The following NISCH variants were observed in gnomAD, a reference collection of about 807,000 sequenced individuals.
The protein encoded by NISCH is nischarin.
In NISCH, 55 loss-of-function variants were observed where a neutral mutation model predicts 138.4. The ratio of observed to expected loss-of-function variants is 0.40; its 90% CI spans 0.32 to 0.50. The LOEUF (loss-of-function observed/expected upper bound fraction) is 0.50. NISCH is among the 20% of genes least tolerant of loss of function. The pLI is 0.71. For synonymous variants in NISCH, 860 were observed against 861.5 expected, an observed-to-expected ratio of 1.00 and a Z score of 0.03; for missense variants, 1,643 against 2,005.5, an observed-to-expected ratio of 0.82 and a Z score of 3.45.
intron 4 of NISCH, 166 bp from the exon 5 acceptor site, chr3:52,471,638 CCTGTGCCTAG>C: frequency 3.0e-6 from 2 of 661,224 alleles, no homozygotes; most frequent in South Asian, 3.7e-5. Context: ...CTAGGGTTGC[CCTGTGCCTAG>C]CAGGCACCCA....
chr3:52,464,517 C>CTTTTTTT lies in NISCH; in HGVS notation c.360+5692_360+5698dup, dbSNP rs71084185. Among the ~76,000 whole-genome samples the CTTTTTTT allele has an allele frequency of 1.4e-3, 106 of 75,812 alleles. 7 individuals are homozygous for CTTTTTTT. Among genetic ancestry groups the CTTTTTTT allele is most frequent in the South Asian group, 2.2e-3 (4 of 1,808 alleles). The allele number at this position is 75,812 out of a possible 152,430, so 49.7% of individuals were successfully genotyped here. ...TACTTTTTCACATTCTGTGAGTTGT[C>CTTTTTTT]TTTTTTTTTTTTTTTTTTTTTTTTT... On this transcript the variant is annotated intron_variant, in intron 3 of 20. Coordinates refer to ENST00000345716, the MANE Select transcript of NISCH (RefSeq NM_007184.4).
chr3:52,465,374 C>T (rs529280093), intron 3 of NISCH, among the ~76,000 whole-genome samples: 7 of 152,206 alleles, frequency 4.6e-5, no homozygotes, highest in Non-Finnish European at 8.8e-5. Flanking sequence ...AAGTGATCCA[C>T]CCACCTCGGC....
At position 52,484,576 on chromosome 3, in the gene NISCH, C is replaced by G. The variant is rs1444149053; in HGVS notation, c.1592C>G (p.Pro531Arg). Residue 531 changes from proline (P) to arginine (R), a missense_variant, in exon 14 of 21, where the codon CCC becomes CGC. Pro to Arg is a moderately radical substitution (Grantham distance 103). Transcript: ENST00000345716. ...SSLSSTDSLT[P>R]EHQPIAQGCS... ...CTCTCGTCCACTGACAGTCTGACTC[C>G]CGAGCACCAGCCCATTGCCCAGGGA... The G allele has an allele frequency of 6.2e-7, 1 of 1,613,342 alleles. No homozygotes were observed. The highest frequency in any genetic ancestry group is 2.2e-5 in the East Asian group (1 of 44,862).
chr3:52,489,641 G>T lies in NISCH; in HGVS notation c.3419G>T (p.Ser1140Ile). 1 of 1,612,900 alleles carries T rather than the reference G, an allele frequency of 6.2e-7. No individual in the cohort carries two copies. Among genetic ancestry groups the T allele is most frequent in the Non-Finnish European group, 8.5e-7 (1 of 1,179,928 alleles). ...CGGCACGTCGCCAGCCTGCGGGGCAGCGCCATCATCGAGCTCTTCCACAGC... is the reference window on the plus strand; with the variant it reads ...CGGCACGTCGCCAGCCTGCGGGGCATCGCCATCATCGAGCTCTTCCACAGC... ...SLRHVASLRGSAIIELFHSSI... is the reference protein window; with the variant it reads ...SLRHVASLRGIAIIELFHSSI... Residue 1140 changes from serine to isoleucine, a missense_variant, in exon 17 of 21, where the codon AGC becomes ATC. Transcript: ENST00000345716.
rs749179103 is a variant in NISCH, at chr3:52,478,262, C to T, written c.1153C>T (p.Arg385Trp). The change falls in exon 10 of 21, where the codon CGG (arginine) becomes TGG (tryptophan). Residue 385 changes from arginine to tryptophan, a missense_variant. By Grantham distance (101) the Arg-to-Trp change is moderately radical (BLOSUM62 -3). Coordinates refer to ENST00000345716, the MANE Select transcript of NISCH (RefSeq NM_007184.4). ...KLYSLVNLDLRDNRIEQMEEV... is the reference protein window; with the variant it reads ...KLYSLVNLDLWDNRIEQMEEV... ...CTACTCACTGGTCAACCTGGATCTCCGGGACAACAGGATCGAACAGGTGAG... is the reference window on the plus strand; with the variant it reads ...CTACTCACTGGTCAACCTGGATCTCTGGGACAACAGGATCGAACAGGTGAG... 10 of 1,613,920 alleles carry T rather than the reference C, an allele frequency of 6.2e-6. No individual in the cohort carries two copies. The highest frequency in any genetic ancestry group is 3.3e-5 in the South Asian group (3 of 91,072).
rs768392995 is a variant in NISCH at position 52,487,659 on chromosome 3, C to T, written c.2167C>T (p.Arg723Cys). ...CCTGATCCATGTGCAGGGCAGTATC[C>T]GCCAGTTCGCCGCCTGCCTTGTGCT... is the stretch of plus-strand genomic sequence containing the variant. ...CFLIHVQGSI[R>C]QFAACLVLTD... The change falls in exon 16 of 21, where the codon CGC becomes TGC. Residue 723 changes from arginine to cysteine, a missense_variant. Transcript: ENST00000345716. This position sits in a 1 kb window ranked among gnomAD's most constrained non-coding sequence, Gnocchi z 9.1. The T allele has an allele frequency of 5.6e-6, 9 of 1,613,614 alleles. No homozygotes were observed. The highest frequency in any genetic ancestry group is 1.7e-5 in the Admixed American group (1 of 59,992).
chr3:52,474,041 G>A (rs974148045), intron 7 of NISCH, among the ~76,000 whole-genome samples: 2 of 152,202 alleles, frequency 1.3e-5, no homozygotes, highest in Non-Finnish European at 2.9e-5. Flanking sequence ...AAAAGTTCGT[G>A]TTGTTAACAG....
At chr3:52,474,016 G>A (rs1707027398) in intron 7 of NISCH, among the ~76,000 whole-genome samples, 187 bp downstream of exon 7, 1 of 152,184 alleles carries the variant, frequency 6.6e-6, no homozygotes, top group Non-Finnish European at 1.5e-5. Flanking sequence ...GGACACTTTA[G>A]TTCACATCTG....
intron 15 of NISCH, chr3:52,486,442 T>G (rs556456737): frequency 6.6e-6 from 1 of 152,326 alleles, no homozygotes. Flanking sequence ...TTTTTTTCTT[T>G]GAGACTGAGT....
At chr3:52,472,205 A>G (rs922927596) in intron 5 of NISCH, 98 bp from the exon 6 acceptor site, 11 of 1,206,032 alleles carry the variant, frequency 9.1e-6, no homozygotes, top group Non-Finnish European at 1.3e-5. Context: ...TGTTGAAGAC[A>G]GAAGTGGTCA....
intron 13 of NISCH, 84 bp downstream of exon 13, chr3:52,480,379 G>GTA (rs746803179): frequency 6.4e-7 from 1 of 1,574,774 alleles, no homozygotes; most frequent in South Asian, 1.1e-5. Context: ...GGGGAGAGGT[G>GTA]CCAGCACCTG....
intron 3 of NISCH, among the ~76,000 whole-genome samples, chr3:52,466,651 G>A (rs906788179): frequency 1.3e-5 from 2 of 151,970 alleles, no homozygotes; most frequent in Non-Finnish European, 2.9e-5. Flanking sequence ...TCAGTGACAT[G>A]TAATTCACTC....
intron 3 of NISCH, among the ~76,000 whole-genome samples, chr3:52,465,658 C>G (rs1706761048): frequency 6.6e-6 from 1 of 152,182 alleles, no homozygotes; most frequent in African/African-American, 2.4e-5. Context: ...GAAATGGAAT[C>G]CCATCCGGAA....
chr3:52,481,693 C>G (rs1215547134), intron 13 of NISCH: 2 of 985,558 alleles, frequency 2.0e-6, no homozygotes, highest in Non-Finnish European at 2.4e-6. Context: ...AGAGCAGGCC[C>G]TGGATGGGTG....
intron 13 of NISCH, 51 bp from the exon 14 acceptor site, chr3:52,484,462 T>TGGGCGCCCC: frequency 3.8e-6 from 3 of 788,668 alleles, no homozygotes; most frequent in Non-Finnish European, 5.5e-6. Flanking sequence ...ACAGCCGCTC[T>TGGGCGCCCC]CCCCGCCCCA....
At chr3:52,478,662 A>G (rs1707176561) in intron 11 of NISCH, 85 bp downstream of exon 11, 2 of 1,295,194 alleles carry the variant, frequency 1.5e-6, no homozygotes, top group Admixed American at 3.6e-5. Context: ...ATATATGTCC[A>G]TTGTTCTACC....
chr3:52,486,971 A>G (rs1707416386), intron 15 of NISCH, among the ~76,000 whole-genome samples: 1 of 152,242 alleles, frequency 6.6e-6, no homozygotes. Context: ...CCAAGCCCCT[A>G]GAAGCATAGA....
At chr3:52,489,283 G>A (rs1707496578) in intron 16 of NISCH, 53 bp from the exon 17 acceptor site, 5 of 1,572,754 alleles carry the variant, frequency 3.2e-6, no homozygotes, top group African/African-American at 2.7e-5. Flanking sequence ...CACATGCGAT[G>A]TGAATCTTCA....
chr3:52,476,722 C>T (rs1361169708), intron 8 of NISCH, 123 bp downstream of exon 8: 16 of 960,948 alleles, frequency 1.7e-5, no homozygotes, highest in Non-Finnish European at 2.3e-5. Context: ...CTGTGCATTG[C>T]CTGCCATTTT....
Sources: gnomAD v4.1 joint callset for allele counts (sites outside exome capture counted in the v4.1 genomes callset) on GRCh38, gnomAD v4.1.1 for gene constraint, Gnocchi (gnomAD v3.1) non-coding constraint, MANE v1.5 for transcripts, NCBI Gene and HGNC (gene_info 2026-07-23, HGNC 2026-07-21) for gene names.